The following ESRRG variants were observed in gnomAD, a reference collection of about 807,000 sequenced individuals.
The protein encoded by ESRRG is estrogen related receptor gamma.
A neutral mutation model predicts 44.0 loss-of-function variants in ESRRG; 13 were observed. The ratio of observed to expected loss-of-function variants is 0.30; its 90% CI spans 0.19 to 0.47. The LOEUF is 0.47. Ranked by LOEUF, ESRRG falls within the 20% of genes least tolerant of loss-of-function variation. The probability of loss-of-function intolerance (pLI) is 1.00; values close to 1 mark genes in which losing one functional copy is unlikely to be tolerated. For synonymous variants in ESRRG, 215 were observed against 214.6 expected (o/e 1.00, Z -0.02); for missense variants, 395 against 580.6 (o/e 0.68, Z 3.29).
intron 3 of ESRRG, among the ~76,000 whole-genome samples, chr1:216,643,032 G>A (rs2066764005): frequency 6.6e-6 from 1 of 152,154 alleles, no homozygotes; most frequent in African/African-American, 2.4e-5. Context: ...AGACAAGTAA[G>A]TTGCTCTTTG....
chr1:216,522,748 T>C (rs1301822258), intron 5 of ESRRG, among the ~76,000 whole-genome samples: 1 of 152,110 alleles, frequency 6.6e-6, no homozygotes, highest in African/African-American at 2.4e-5. Context: ...ACCTGAACAA[T>C]GTATAAAATT....
chr1:216,830,175 G>A (rs911351402), intron 2 of ESRRG, among the ~76,000 whole-genome samples: 2 of 152,144 alleles, frequency 1.3e-5, no homozygotes, highest in African/African-American at 2.4e-5. Context: ...GCAGATTAGA[G>A]GGCACATTAA....
At position 216,506,980 on chromosome 1, in the gene ESRRG, T is replaced by C. The variant is rs1272932911; in HGVS notation, c.1336A>G (p.Met446Val). ...AACATTTCCAAAAAAAGTTTGTGCA[T>C]TGGGACTTTGCCTTCTAGTTTGATG... is the stretch of plus-strand genomic sequence containing the variant. ...YNIKLEGKVP[M>V]HKLFLEMLEA... The change falls in exon 7 of 7, where the codon ATG (methionine) becomes GTG (valine). Residue 446 changes from methionine (M) to valine (V), a missense_variant. Met to Val is a conservative substitution (Grantham distance 21). Coordinates refer to ENST00000408911, the MANE Select transcript of ESRRG (RefSeq NM_001438.4). 6.2e-7 allele frequency: 1 copy of C among 1,614,042 alleles called. No individual in the cohort carries two copies. Among genetic ancestry groups the C allele is most frequent in the Non-Finnish European group, 8.5e-7 (1 of 1,180,022 alleles).
At chr1:216,755,905 G>A (rs967873767) in intron 2 of ESRRG, among the ~76,000 whole-genome samples, 2 of 151,950 alleles carry the variant, frequency 1.3e-5, no homozygotes, top group African/African-American at 2.4e-5. Flanking sequence ...TGGATGAGGG[G>A]TCCCTATTAG....
At chr1:216,751,899 G>A (rs567150741) in intron 2 of ESRRG, among the ~76,000 whole-genome samples, 20 of 152,154 alleles carry the variant, frequency 1.3e-4, no homozygotes, top group African/African-American at 2.9e-4. Context: ...AGCCAACAGC[G>A]CCTTTGATTA....
At chr1:216,956,121 C>T (rs2067904003) in intron 1 of ESRRG, among the ~76,000 whole-genome samples, 1 of 152,068 alleles carries the variant, frequency 6.6e-6, no homozygotes, top group Non-Finnish European at 1.5e-5. Flanking sequence ...TTTCCTAGAC[C>T]AATGTCCTGA....
At chr1:216,662,341 CAA>C (rs1410175238) in intron 2 of ESRRG, among the ~76,000 whole-genome samples, 2 of 152,010 alleles carry the variant, frequency 1.3e-5, no homozygotes, top group Admixed American at 6.6e-5. Context: ...ACAAACCAAC[CAA>C]AGAGTATGCC....
chr1:216,610,376 A>G (rs1045663152), intron 3 of ESRRG, among the ~76,000 whole-genome samples: 3 of 152,164 alleles, frequency 2.0e-5, no homozygotes, highest in East Asian at 3.9e-4. Flanking sequence ...TATCCTTAAT[A>G]GGCTAAGTCC....
chr1:216,830,905 T>C (rs1157348786), intron 2 of ESRRG, among the ~76,000 whole-genome samples: 1 of 151,940 alleles, frequency 6.6e-6, no homozygotes, highest in African/African-American at 2.4e-5. Context: ...TTAAGAACAG[T>C]AAACTGAAAT....
At chr1:217,044,198 A>G (rs1232767222) in intron 1 of ESRRG, among the ~76,000 whole-genome samples, 1 of 152,146 alleles carries the variant, frequency 6.6e-6, no homozygotes, top group Non-Finnish European at 1.5e-5. Context: ...TCATTCTGAC[A>G]TTCTGTCCAC....
intron 1 of ESRRG, among the ~76,000 whole-genome samples, chr1:217,071,207 C>T (rs2151447281): frequency 6.6e-6 from 1 of 151,872 alleles, no homozygotes; most frequent in African/African-American, 2.4e-5. Flanking sequence ...TTTTGAATAC[C>T]CTAGAATAAA....
intron 1 of ESRRG, among the ~76,000 whole-genome samples, chr1:217,033,608 T>TAC (rs1263257549): frequency 2.6e-4 from 39 of 152,228 alleles, no homozygotes; most frequent in Admixed American, 5.2e-4. Flanking sequence ...TGAAATTGTA[T>TAC]TCTTTAAAAG....
At position 216,752,327 on chromosome 1, in the gene ESRRG, A is replaced by G. The variant is rs552882221; in HGVS notation, c.-13-74836T>C. Among the ~76,000 whole-genome samples the G allele has an allele frequency of 1.6e-4, 25 of 152,224 alleles. No individual in the cohort carries two copies. The Middle Eastern group carries it at 0.01, about 62-fold the overall frequency. On this transcript the variant is annotated intron_variant, in intron 2 of 7. Coordinates refer to the ESRRG transcript ENST00000359162. ...TTCCATTTTCTGAAAGGTTCTATCAATGGAAATTACGGGTGCATGTGACAG... is the reference window on the plus strand; with the variant it reads ...TTCCATTTTCTGAAAGGTTCTATCAGTGGAAATTACGGGTGCATGTGACAG...
Position 216,967,638 on chromosome 1 carries a change from T to C in ESRRG, c.-105-27965A>G, listed in dbSNP as rs757703274. On this transcript the variant is annotated intron_variant, in intron 1 of 7. Coordinates refer to the ESRRG transcript ENST00000359162. The stretch of plus-strand genomic sequence containing the variant: ...CCATGGTTTATTTAACTATGCACTA[T>C]TGAAAGACAATTTGGTTGCTTCCAA... 2.6e-5 allele frequency among the ~76,000 whole-genome samples: 4 copies of C among 152,198 alleles called. No individual in the cohort carries two copies. In the South Asian group the frequency reaches 8.3e-4, roughly 32 times the overall value.
intron 1 of ESRRG, among the ~76,000 whole-genome samples, chr1:217,033,624 G>C (rs909328327): frequency 1.3e-5 from 2 of 152,122 alleles, no homozygotes; most frequent in African/African-American, 2.4e-5. Context: ...AAAAGGGAGA[G>C]ATGTATGGCA....
chr1:217,037,063 G>A (rs1249362326), intron 1 of ESRRG, among the ~76,000 whole-genome samples: 1 of 152,116 alleles, frequency 6.6e-6, no homozygotes. Context: ...AATGGTAAAG[G>A]ACTGACAAGT....
intron 1 of ESRRG, among the ~76,000 whole-genome samples, chr1:217,009,240 T>C (rs892236697): frequency 6.6e-6 from 1 of 151,860 alleles, no homozygotes; most frequent in African/African-American, 2.4e-5. Context: ...CACAGCGGGA[T>C]CTATATATTG....
At chr1:217,035,949 TAAAC>T (rs1313877070) in intron 1 of ESRRG, among the ~76,000 whole-genome samples, 1 of 152,076 alleles carries the variant, frequency 6.6e-6, no homozygotes, top group African/African-American at 2.4e-5. Context: ...GTAAGAAACT[TAAAC>T]AAATTTACAA....
intron 1 of ESRRG, among the ~76,000 whole-genome samples, chr1:216,994,897 T>TTC (rs1362084846): frequency 1.3e-5 from 2 of 152,160 alleles, no homozygotes; most frequent in Non-Finnish European, 2.9e-5. Context: ...GTCCAACAAC[T>TTC]TCTAAATTTG....
Sources: allele counts gnomAD v4.1 joint callset (sites outside exome capture counted in the v4.1 genomes callset), GRCh38; gene constraint gnomAD v4.1.1; transcripts MANE v1.5; gene names NCBI Gene and HGNC (gene_info 2026-07-23, HGNC 2026-07-21).